CASR: variants seen among roughly 807,000 people sequenced by gnomAD.
CASR encodes extracellular calcium-sensing receptor.
In CASR, 23 loss-of-function variants were observed where a neutral mutation model predicts 69.1. The observed-to-expected ratio is 0.33, with a 90% CI of 0.24 to 0.47. The LOEUF (loss-of-function observed/expected upper bound fraction) is 0.47, where lower values mean the gene tolerates loss of function less well. Among genes scored for constraint, CASR ranks in the 20% least tolerant of loss-of-function variants. The pLI is 1.00. For synonymous variants in CASR, 541 were observed against 544.7 expected, an observed-to-expected ratio of 0.99 and a Z score of 0.10; for missense variants, 924 against 1,356.1, an observed-to-expected ratio of 0.68 and a Z score of 5.00.
At chr3:122,259,579 A>C (rs36173120) in intron 3 of CASR, among the ~76,000 whole-genome samples, 40,237 of 150,858 alleles carry the variant, frequency 0.27, 6,241 homozygotes, top group Non-Finnish European at 0.36. Context: ...AACGCCTTTT[A>C]TGTTTCTAAT....
At chr3:122,213,139 C>T (rs901791597) in intron 1 of CASR, among the ~76,000 whole-genome samples, 8 of 152,162 alleles carry the variant, frequency 5.3e-5, no homozygotes, top group African/African-American at 1.9e-4. Flanking sequence ...GCCCTCTTGG[C>T]CTCCCTCAGA....
intron 5 of CASR, among the ~76,000 whole-genome samples, chr3:122,278,103 C>G (rs370753872): frequency 1.0e-3 from 150 of 148,104 alleles, no homozygotes; most frequent in African/African-American, 3.5e-3. Context: ...AGTAACTTCC[C>G]TATGTATTTC....
chr3:122,214,452 A>C (rs1369686560), intron 1 of CASR, among the ~76,000 whole-genome samples: 2 of 152,212 alleles, frequency 1.3e-5, no homozygotes, highest in African/African-American at 4.8e-5. Flanking sequence ...TCTATGGCTC[A>C]GACAGGATAA....
chr3:122,262,946 A>G (rs1473961908), intron 4 of CASR, among the ~76,000 whole-genome samples: 1 of 152,266 alleles, frequency 6.6e-6, no homozygotes, highest in Non-Finnish European at 1.5e-5. Flanking sequence ...ACTCTTTGTA[A>G]AAAGATTTGA....
intron 1 of CASR, among the ~76,000 whole-genome samples, chr3:122,232,334 AG>A (rs1274062959): frequency 6.6e-6 from 1 of 152,174 alleles, no homozygotes; most frequent in African/African-American, 2.4e-5. Flanking sequence ...AGATGCAGAG[AG>A]CACGAGAGTG....
Position 122,254,153 on chromosome 3 carries a change from G to C in CASR, c.-37G>C, listed in dbSNP as rs202135908. On this transcript the variant is annotated 5_prime_UTR_variant, in exon 2 of 7. Transcript: ENST00000639785. Reference sequence around the variant, plus strand: ...ACTTCTGGGAGCCTCCAAACTCCTAGCTGTCTCATCCCTTGCCCTGGAGAG... The same window carrying C: ...ACTTCTGGGAGCCTCCAAACTCCTACCTGTCTCATCCCTTGCCCTGGAGAG... 3.1e-6 allele frequency: 5 copies of C among 1,609,398 alleles called. No homozygotes were observed. In the South Asian group the frequency reaches 5.5e-5, roughly 18 times the overall value.
intron 1 of CASR, among the ~76,000 whole-genome samples, chr3:122,237,638 C>T (rs540911421): frequency 6.6e-6 from 1 of 152,210 alleles, no homozygotes; most frequent in East Asian, 1.9e-4. Context: ...GTGAAAGAAA[C>T]TCAGAAGATT....
At chr3:122,250,020 A>G (rs1192699447) in intron 1 of CASR, among the ~76,000 whole-genome samples, 1 of 152,186 alleles carries the variant, frequency 6.6e-6, no homozygotes, top group South Asian at 2.1e-4. Context: ...CGTGCAGCAG[A>G]ATAGAGGAAG....
At chr3:122,236,725 C>T (rs1260532265) in intron 1 of CASR, among the ~76,000 whole-genome samples, 1 of 152,170 alleles carries the variant, frequency 6.6e-6, no homozygotes, top group Non-Finnish European at 1.5e-5. Flanking sequence ...AACCTCAGGT[C>T]AGCCCCAAAT....
intron 1 of CASR, among the ~76,000 whole-genome samples, chr3:122,196,869 G>T (rs931830771): frequency 3.9e-5 from 6 of 152,114 alleles, no homozygotes; most frequent in Non-Finnish European, 1.5e-5. Context: ...ATAATGTGAT[G>T]ATTTGACATA....
rs568563886 is a variant in CASR at position 122,195,615 on chromosome 3, G to C, written c.-243+11803G>C. The stretch of plus-strand genomic sequence containing the variant: ...ACAATGCGTTAGGCATTATGCTAAA[G>C]ATTTTATACATTGCTTCGTTTAATC... On this transcript the variant is annotated intron_variant, in intron 1 of 6. Transcript: ENST00000639785. Among the ~76,000 whole-genome samples the C allele has an allele frequency of 8.5e-5, 13 of 152,314 alleles. 1 individual carries two copies. In the South Asian group the frequency reaches 2.7e-3, roughly 32 times the overall value.
intron 1 of CASR, among the ~76,000 whole-genome samples, chr3:122,207,280 A>G (rs796180960): frequency 2.6e-5 from 4 of 152,168 alleles, no homozygotes; most frequent in South Asian, 2.1e-4. Flanking sequence ...GAAAATCAAC[A>G]GGAAAACATC....
rs529182128 is a variant in CASR, at chr3:122,280,357, G to T, written c.1609-1756G>T. 1.7e-4 allele frequency among the ~76,000 whole-genome samples: 26 copies of T among 152,292 alleles called. 1 individual carries two copies. The South Asian group carries it at 5.2e-3, about 30-fold the overall frequency. On this transcript the variant is annotated intron_variant, in intron 5 of 6. Coordinates refer to ENST00000639785, the MANE Select transcript of CASR (RefSeq NM_000388.4). ...CATAATATTGGAAGTTCTGGCCAGG[G>T]CAATCAGGCAAGAGAAAGAAATAAA... is the stretch of plus-strand genomic sequence containing the variant.
At chr3:122,241,701 A>C (rs2074380520) in intron 1 of CASR, among the ~76,000 whole-genome samples, 1 of 152,146 alleles carries the variant, frequency 6.6e-6, no homozygotes, top group African/African-American at 2.4e-5. Context: ...CTGATACCAA[A>C]ACCAGACAAA....
intron 1 of CASR, among the ~76,000 whole-genome samples, chr3:122,198,623 C>G (rs1411785993): frequency 6.6e-6 from 1 of 151,322 alleles, no homozygotes; most frequent in Non-Finnish European, 1.5e-5. Context: ...TTTTCTACAT[C>G]ATTCGTGTAT....
At chr3:122,224,285 A>G (rs570670097) in intron 1 of CASR, among the ~76,000 whole-genome samples, 26 of 152,336 alleles carry the variant, frequency 1.7e-4, no homozygotes, top group Non-Finnish European at 2.4e-4. Flanking sequence ...TTCTATACCT[A>G]GAAACCCCCA....
chr3:122,192,223 A>C (rs4678035), intron 1 of CASR, among the ~76,000 whole-genome samples: 26,175 of 152,214 alleles, frequency 0.17, 2,339 homozygotes, highest in African/African-American at 0.2. Context: ...CCTGGATTCA[A>C]ATTCTGGCTC....
intron 1 of CASR, among the ~76,000 whole-genome samples, chr3:122,196,531 GTTTGT>G (rs549490817): frequency 2.7e-5 from 4 of 150,890 alleles, no homozygotes; most frequent in South Asian, 2.1e-4. Flanking sequence ...TTGTTTGTTT[GTTTGT>G]TTTGTTTTGT....
intron 1 of CASR, among the ~76,000 whole-genome samples, chr3:122,206,020 G>A (rs2074003087): frequency 6.6e-6 from 1 of 151,786 alleles, no homozygotes; most frequent in Non-Finnish European, 1.5e-5. Context: ...TGTAGATAAG[G>A]CTAATTTGAC....
Sources: allele counts gnomAD v4.1 joint callset (sites outside exome capture counted in the v4.1 genomes callset), GRCh38; gene constraint gnomAD v4.1.1; transcripts MANE v1.5; gene names NCBI Gene and HGNC (gene_info 2026-07-23, HGNC 2026-07-21).